FBXO34: variants seen among roughly 807,000 people sequenced by gnomAD.
The protein encoded by FBXO34 is F-box only protein 34.
A neutral mutation model predicts 24.5 loss-of-function variants in FBXO34; 12 were observed. The observed-to-expected ratio is 0.49, with a 90% CI of 0.31 to 0.79. The LOEUF (loss-of-function observed/expected upper bound fraction) is 0.79. Among genes scored for constraint, FBXO34 ranks in the 30% least tolerant of loss-of-function variants. FBXO34 has a pLI of 0.04. For missense variants in FBXO34, 823 were observed against 857.7 expected (o/e 0.96, Z 0.51); for synonymous variants, 320 against 311.9 (o/e 1.03, Z -0.27).
At chr14:55,273,581 A>G (rs774191456) in intron 1 of FBXO34, among the ~76,000 whole-genome samples, 6 of 152,216 alleles carry the variant, frequency 3.9e-5, no homozygotes, top group Non-Finnish European at 7.3e-5. Context: ...TGTATGAAAG[A>G]TACACATTTG....
the FBXO34 span, among the ~76,000 whole-genome samples, chr14:55,436,091 T>A: frequency 8.5e-5 from 13 of 152,288 alleles, no homozygotes; most frequent in Non-Finnish European, 1.5e-4. Context: ...CCTAGTTAAG[T>A]GTAAAATCCC....
At chr14:55,300,091 T>C (rs1272254637) in intron 1 of FBXO34, among the ~76,000 whole-genome samples, 2 of 152,164 alleles carry the variant, frequency 1.3e-5, no homozygotes, top group Non-Finnish European at 1.5e-5. Flanking sequence ...CCCTTCATTC[T>C]TTAATATCTT....
chr14:55,404,925 A>AG, the FBXO34 span, among the ~76,000 whole-genome samples: 1 of 152,176 alleles, frequency 6.6e-6, no homozygotes, highest in African/African-American at 2.4e-5. Flanking sequence ...TCATGGGGTG[A>AG]GGGTAGGGAA....
chr14:55,308,545 C>A (rs1882630859), intron 1 of FBXO34, among the ~76,000 whole-genome samples: 1 of 152,142 alleles, frequency 6.6e-6, no homozygotes, highest in South Asian at 2.1e-4. Flanking sequence ...CACACAGAAA[C>A]TATAATAGGT....
At chr14:55,433,593 G>A in the FBXO34 span, 1 of 1,568,776 alleles carries the variant, frequency 6.4e-7, no homozygotes, top group Non-Finnish European at 8.8e-7. Context: ...ATACTAAATT[G>A]TTTCTCTGGT....
intron 1 of FBXO34, among the ~76,000 whole-genome samples, chr14:55,347,355 T>A (rs1234362770): frequency 6.6e-6 from 1 of 152,166 alleles, no homozygotes; most frequent in African/African-American, 2.4e-5. Context: ...TGCCCTTTGC[T>A]CCCTGCATTA....
downstream of FBXO34, among the ~76,000 whole-genome samples, chr14:55,356,682 A>AC (rs1884527914): frequency 6.7e-6 from 1 of 149,394 alleles, no homozygotes; most frequent in African/African-American, 2.5e-5. Context: ...CTGGTCTTGA[A>AC]CTCCTGACCT....
chr14:55,318,019 G>C (rs2341534), intron 1 of FBXO34, among the ~76,000 whole-genome samples: 120,663 of 152,048 alleles, frequency 0.79, 48,725 homozygotes, highest in African/African-American at 0.94. Context: ...ATTTCTGAAC[G>C]TTTTGTAAGA....
intron 1 of FBXO34, among the ~76,000 whole-genome samples, chr14:55,324,006 A>G (rs1160134769): frequency 2.0e-5 from 3 of 152,120 alleles, no homozygotes; most frequent in African/African-American, 4.8e-5. Context: ...ACTTATCACC[A>G]CTGTTTAATT....
chr14:55,317,452 G>A (rs148663391), intron 1 of FBXO34, among the ~76,000 whole-genome samples: 8,828 of 152,102 alleles, frequency 0.058, 326 homozygotes, highest in South Asian at 0.089. Flanking sequence ...CTGCACTCCA[G>A]CCTGGGTGAC....
the FBXO34 span, among the ~76,000 whole-genome samples, chr14:55,383,591 A>C: frequency 6.5e-4 from 98 of 151,564 alleles, no homozygotes; most frequent in South Asian, 1.0e-3. Flanking sequence ...ACAACAACAA[A>C]AAAAACCCCC....
the FBXO34 span, among the ~76,000 whole-genome samples, chr14:55,420,511 A>G: frequency 2.5e-4 from 31 of 125,026 alleles, 1 homozygote; most frequent in Non-Finnish European, 5.0e-4. Flanking sequence ...ACGCCAAGAG[A>G]TGATAATTAT....
intron 1 of FBXO34, among the ~76,000 whole-genome samples, chr14:55,288,366 C>A (rs899398793): frequency 2.0e-5 from 3 of 151,938 alleles, no homozygotes; most frequent in African/African-American, 4.8e-5. Context: ...AAATTACATA[C>A]ACTAATCATA....
At chr14:55,355,756 CCCACAGTGCCTCACACAACACA>C, downstream of FBXO34, among the ~76,000 whole-genome samples, 1 of 152,202 alleles carries the variant, frequency 6.6e-6, no homozygotes, top group Non-Finnish European at 1.5e-5. Context: ...GAGGGCATCG[CCCACAGTGCCTCACACAACACA>C]CTCTGTAAAA....
At chr14:55,312,292 A>G (rs909665763) in intron 1 of FBXO34, among the ~76,000 whole-genome samples, 2 of 152,194 alleles carry the variant, frequency 1.3e-5, no homozygotes, top group Admixed American at 6.5e-5. Flanking sequence ...TTAGGCTCCC[A>G]TGGCCTTGGG....
chr14:55,376,605 T>C, the FBXO34 span, among the ~76,000 whole-genome samples: 1 of 152,166 alleles, frequency 6.6e-6, no homozygotes, highest in Non-Finnish European at 1.5e-5. Context: ...AAAAGCAGAT[T>C]ATCACTGAAA....
the FBXO34 span, among the ~76,000 whole-genome samples, chr14:55,401,583 T>C: frequency 6.6e-6 from 1 of 152,218 alleles, no homozygotes; most frequent in Non-Finnish European, 1.5e-5. Flanking sequence ...TGTTCCCCCC[T>C]AAAAAGTATT....
the FBXO34 span, chr14:55,380,834 T>C: frequency 1.1e-4 from 32 of 292,718 alleles, no homozygotes; most frequent in African/African-American, 7.3e-4. Context: ...TGACCAGACA[T>C]AAATGGTCCA....
intron 1 of FBXO34, among the ~76,000 whole-genome samples, chr14:55,282,850 T>C (rs1460356315): frequency 6.6e-6 from 1 of 152,240 alleles, no homozygotes. Flanking sequence ...TAGGGAATTA[T>C]TGATTAGTTG....
Sources: allele counts gnomAD v4.1 joint callset (sites outside exome capture counted in the v4.1 genomes callset), GRCh38; gene constraint gnomAD v4.1.1; transcripts MANE v1.5; gene names NCBI Gene and HGNC (gene_info 2026-07-23, HGNC 2026-07-21).